VSIG1: variants seen among roughly 807,000 people sequenced by gnomAD.
VSIG1 encodes the protein V-set and immunoglobulin domain-containing protein 1.
A neutral mutation model predicts 20.1 loss-of-function variants in VSIG1; 11 were observed. That is an observed-to-expected ratio of 0.55 (90% CI 0.34 to 0.91). VSIG1 has a LOEUF of 0.91. VSIG1 is among the 40% of genes least tolerant of loss of function. The pLI is 0.02. For missense variants in VSIG1, 283 were observed against 298.8 expected, an observed-to-expected ratio of 0.95 and a Z score of 0.39; for synonymous variants, 126 against 116.7, an observed-to-expected ratio of 1.08 and a Z score of -0.52.
At chrX:108,074,524 G>A (rs1250684378) in intron 5 of VSIG1, among the ~76,000 whole-genome samples, 1 of 111,147 alleles carries the variant, frequency 9.0e-6, no homozygotes. Flanking sequence ...GTGTTCCAGG[G>A]ACTGTCCTAG....
intron 1 of VSIG1, among the ~76,000 whole-genome samples, chrX:108,051,198 G>A (rs1317759294): frequency 9.0e-6 from 1 of 110,974 alleles, no homozygotes; most frequent in Non-Finnish European, 1.9e-5. Flanking sequence ...ACAGACACGA[G>A]GCATAAAGTG....
rs369741119 is a variant in VSIG1, at chrX:108,051,428, A to G, written c.49+6249A>G. Among the ~76,000 whole-genome samples the G allele has an allele frequency of 8.0e-5, 9 of 112,373 alleles. No homozygotes were observed. The East Asian group carries it at 1.7e-3, about 21-fold the overall frequency. On this transcript the variant is annotated intron_variant, in intron 1 of 6. Coordinates refer to ENST00000217957, the MANE Select transcript of VSIG1 (RefSeq NM_182607.5). ...CAGCCTCAGTGATATCCGATAAACC[A>G]AACAGAGCAAAACAATACTGAAAAT...
rs773187402 is a variant in VSIG1 at position 108,058,193 on chromosome X, C to A, written c.205C>A (p.Pro69Thr). 1.7e-6 allele frequency: 2 copies of A among 1,202,673 alleles called. No individual in the cohort carries two copies. The highest frequency in any genetic ancestry group is 2.2e-6 in the Non-Finnish European group (2 of 891,304). The change falls in exon 2 of 7, where the codon CCA (proline) becomes ACA (threonine). Residue 69 changes from proline (P) to threonine (T), a missense_variant. Physicochemically the swap from Pro to Thr is conservative, Grantham distance 38. Coordinates refer to ENST00000217957, the MANE Select transcript of VSIG1 (RefSeq NM_182607.5). ...TTTCTTCCATAAGAAGGAGATGGAG[C>A]CAATTTCTGTAAGGACACTTTTTCC... ...WSFFHKKEME[P>T]ISIYFSQGGQ... is the part of the protein sequence containing the mutation.
intron 1 of VSIG1, among the ~76,000 whole-genome samples, chrX:108,051,970 G>A (rs1290751605): frequency 1.8e-5 from 2 of 111,455 alleles, no homozygotes; most frequent in African/African-American, 6.5e-5. Flanking sequence ...GGTTACCAGG[G>A]ACTGTGGCTT....
chrX:108,049,912 A>G (rs965619686), intron 1 of VSIG1, among the ~76,000 whole-genome samples: 5 of 112,172 alleles, frequency 4.5e-5, no homozygotes, highest in Admixed American at 2.8e-4. Context: ...CTGAAAGCCA[A>G]TTTCCTTTTT....
intron 1 of VSIG1, among the ~76,000 whole-genome samples, chrX:108,052,045 T>A (rs1379080634): frequency 2.7e-5 from 3 of 111,094 alleles, no homozygotes; most frequent in African/African-American, 9.8e-5. Context: ...ACAAGAGGAA[T>A]AAGTTTTTAA....
the VSIG1 span, among the ~76,000 whole-genome samples, chrX:108,026,133 G>A: frequency 8.9e-6 from 1 of 111,851 alleles, no homozygotes; most frequent in South Asian, 3.7e-4. Flanking sequence ...ATCAAGCTCT[G>A]TTTCAGAGAG....
chrX:108,032,621 TTGAGGGAA>T, the VSIG1 span, among the ~76,000 whole-genome samples: 1 of 111,331 alleles, frequency 9.0e-6, no homozygotes, highest in Non-Finnish European at 1.9e-5. Flanking sequence ...GAACAAATAT[TTGAGGGAA>T]GAGAGGGAGC....
chrX:108,055,032 GAA>G (rs903867716), intron 1 of VSIG1, among the ~76,000 whole-genome samples: 1 of 106,370 alleles, frequency 9.4e-6, no homozygotes, highest in Non-Finnish European at 1.9e-5. Flanking sequence ...TTGCTTTTCT[GAA>G]AAAAAAATCA....
At chrX:108,025,093 A>G in the VSIG1 span, among the ~76,000 whole-genome samples, 1 of 111,645 alleles carries the variant, frequency 9.0e-6, no homozygotes, top group Admixed American at 9.5e-5. Flanking sequence ...TTATCACTTC[A>G]ATTCTATCAA....
chrX:108,053,151 A>C (rs954116317), intron 1 of VSIG1, among the ~76,000 whole-genome samples: 2 of 112,286 alleles, frequency 1.8e-5, no homozygotes, highest in African/African-American at 6.5e-5. Context: ...AAATAGCTAA[A>C]GGGATTTCTT....
intron 2 of VSIG1, among the ~76,000 whole-genome samples, chrX:108,061,766 C>T (rs773250212): frequency 1.1e-3 from 118 of 110,327 alleles, no homozygotes; most frequent in Admixed American, 4.1e-3. Flanking sequence ...CTGATCAGGG[C>T]AGTGGCCAGC....
intron 1 of VSIG1, among the ~76,000 whole-genome samples, chrX:108,047,811 T>TATATATATACATATATATACAC (rs2030628625): frequency 7.8e-5 from 5 of 64,095 alleles, no homozygotes; most frequent in African/African-American, 1.5e-4. Context: ...TATATATACA[T>TATATATATACATATATATACAC]ATATATATAC....
rs1206929017 is a variant in VSIG1 at position 108,047,821 on chromosome X, C to CAT, written c.49+2650_49+2651dup. 1.5e-3 allele frequency among the ~76,000 whole-genome samples: 65 copies of CAT among 43,867 alleles called. 4 individuals carry two copies. Among genetic ancestry groups the CAT allele is most frequent in the African/African-American group, 7.2e-3 (64 of 8,930 alleles). The allele number at this position is 43,867 out of a possible 115,157, so 38.1% of individuals were successfully genotyped here. A position where few individuals can be genotyped will look rare whatever the true frequency, so the allele number is the denominator to read the frequency against. On this transcript the variant is annotated intron_variant, in intron 1 of 6. Coordinates refer to ENST00000217957, the MANE Select transcript of VSIG1 (RefSeq NM_182607.5). ...ATATATATATATACATATATATATA[C>CAT]ATATATATACACATATATATATACA...
chrX:108,046,984 C>T (rs753112882), intron 1 of VSIG1, among the ~76,000 whole-genome samples: 8 of 110,490 alleles, frequency 7.2e-5, no homozygotes, highest in Admixed American at 3.9e-4. Flanking sequence ...GCTCTATTGT[C>T]GTTTGCTGTG....
chrX:108,066,944 T>C lies in VSIG1; in HGVS notation c.222T>C (p.Phe74=), dbSNP rs749342414. Residue 74 remains phenylalanine, a synonymous_variant, in exon 3 of 7, where the codon TTT becomes TTC. Coordinates refer to ENST00000217957, the MANE Select transcript of VSIG1 (RefSeq NM_182607.5). ...GTTATTTTTCTGTCTAGATTTACTT[T>C]TCTCAAGGTGGACAAGCTGTAGCCA... ...KKEMEPISIY[F]SQGGQAVAIG... is the part of the protein sequence containing the mutation. 3.3e-6 allele frequency: 4 copies of C among 1,211,052 alleles called. No individual in the cohort carries two copies. In the East Asian group the frequency reaches 8.9e-5, roughly 27 times the overall value.
At chrX:108,037,615 C>T in the VSIG1 span, among the ~76,000 whole-genome samples, 1 of 112,402 alleles carries the variant, frequency 8.9e-6, no homozygotes, top group African/African-American at 3.2e-5. Flanking sequence ...TGATTTGCCA[C>T]TATTTCAGAC....
upstream of VSIG1, chrX:108,045,022 C>T: frequency 1.7e-6 from 1 of 597,075 alleles, no homozygotes; most frequent in Non-Finnish European, 2.4e-6. Flanking sequence ...TTGGCGATGC[C>T]CAGCAGATAA....
chrX:108,050,335 T>A (rs2030758758), intron 1 of VSIG1, among the ~76,000 whole-genome samples: 4 of 111,777 alleles, frequency 3.6e-5, no homozygotes, highest in African/African-American at 1.3e-4. Flanking sequence ...TCTTTCATAA[T>A]TTCTGTATCC....
Sources: allele counts gnomAD v4.1 joint callset (sites outside exome capture counted in the v4.1 genomes callset), GRCh38; gene constraint gnomAD v4.1.1; transcripts MANE v1.5; gene names NCBI Gene and HGNC (gene_info 2026-07-23, HGNC 2026-07-21).